PSD3: variants seen among roughly 807,000 people sequenced by gnomAD.
The protein encoded by PSD3 is PH and SEC7 domain-containing protein 3.
In PSD3, 49 loss-of-function variants were observed where a neutral mutation model predicts 105.5. That is an observed-to-expected ratio of 0.46 (90% CI 0.37 to 0.59). The LOEUF (loss-of-function observed/expected upper bound fraction) is 0.59, where lower values mean the gene tolerates loss of function less well. Among genes scored for constraint, PSD3 ranks in the 20% least tolerant of loss-of-function variants. The pLI is 0.00. For missense variants in PSD3, 1,561 were observed against 1,263.8 expected (o/e 1.24, Z -3.57); for synonymous variants, 557 against 457.8 (o/e 1.22, Z -2.77).
intron 1 of PSD3, among the ~76,000 whole-genome samples, chr8:18,936,878 C>T (rs1011633853): frequency 6.6e-6 from 1 of 152,028 alleles, no homozygotes; most frequent in Non-Finnish European, 1.5e-5. Flanking sequence ...AGTACACCAA[C>T]AAAAAAACCA....
At chr8:18,882,379 C>G (rs887701933) in intron 2 of PSD3, among the ~76,000 whole-genome samples, 9 of 152,108 alleles carry the variant, frequency 5.9e-5, no homozygotes, top group Non-Finnish European at 1.3e-4. Context: ...GATATTAGAG[C>G]CAGTTCATTC....
intron 4 of PSD3, among the ~76,000 whole-genome samples, chr8:18,813,402 G>C (rs1341198542): frequency 1.3e-5 from 2 of 152,170 alleles, no homozygotes; most frequent in Admixed American, 1.3e-4. Flanking sequence ...TCCCCTGTCT[G>C]CAAGAATTCA....
chr8:18,613,990 C>G (rs1805467593), intron 11 of PSD3, among the ~76,000 whole-genome samples: 1 of 152,206 alleles, frequency 6.6e-6, no homozygotes, highest in African/African-American at 2.4e-5. Flanking sequence ...AAAACCCTCA[C>G]TTGGTTTGGA....
chr8:18,941,555 T>A (rs1396300385), intron 1 of PSD3, among the ~76,000 whole-genome samples: 1 of 152,200 alleles, frequency 6.6e-6, no homozygotes, highest in South Asian at 2.1e-4. Flanking sequence ...TTACATTTGA[T>A]ATGACTTTTC....
At chr8:18,943,858 G>C (rs1486374428) in intron 1 of PSD3, among the ~76,000 whole-genome samples, 3 of 151,890 alleles carry the variant, frequency 2.0e-5, no homozygotes, top group Admixed American at 6.6e-5. Flanking sequence ...CACTCACCAA[G>C]CTAATGAAAT....
intron 4 of PSD3, among the ~76,000 whole-genome samples, chr8:18,805,727 T>C (rs984438421): frequency 1.3e-5 from 2 of 152,196 alleles, no homozygotes; most frequent in African/African-American, 2.4e-5. Context: ...CTTAAAAAAA[T>C]CATATTCACT....
chr8:18,592,457 C>T (rs1186582553), intron 12 of PSD3, among the ~76,000 whole-genome samples: 4 of 152,078 alleles, frequency 2.6e-5, no homozygotes, highest in Admixed American at 6.6e-5. Context: ...GCTTATTTAC[C>T]GAACACTTCT....
At chr8:18,629,860 T>C (rs1316337860) in intron 11 of PSD3, among the ~76,000 whole-genome samples, 1 of 151,960 alleles carries the variant, frequency 6.6e-6, no homozygotes, top group Non-Finnish European at 1.5e-5. Flanking sequence ...TTTTGTAAAT[T>C]ATTAGAAACC....
chr8:18,639,250 T>G (rs1807475778), intron 10 of PSD3, among the ~76,000 whole-genome samples: 1 of 151,602 alleles, frequency 6.6e-6, no homozygotes, highest in East Asian at 1.9e-4. Context: ...TTTTCTACTG[T>G]TTTAAATGTG....
chr8:18,791,845 C>T (rs1809749518), intron 8 of PSD3, among the ~76,000 whole-genome samples: 1 of 152,064 alleles, frequency 6.6e-6, no homozygotes, highest in Non-Finnish European at 1.5e-5. Context: ...TGGTCTAATA[C>T]CCGGCACCTA....
At chr8:18,809,519 A>G (rs1811508551) in intron 4 of PSD3, among the ~76,000 whole-genome samples, 1 of 152,206 alleles carries the variant, frequency 6.6e-6, no homozygotes, top group South Asian at 2.1e-4. Context: ...TTTGAATTTC[A>G]CATCAAAAAA....
intron 14 of PSD3, among the ~76,000 whole-genome samples, chr8:18,570,620 T>G (rs1239379177): frequency 1.4e-5 from 2 of 144,394 alleles, no homozygotes; most frequent in African/African-American, 2.5e-5. Flanking sequence ...TCAAACAAAT[T>G]TACAAGAAAA....
chr8:18,908,048 T>C (rs146984074), intron 2 of PSD3, among the ~76,000 whole-genome samples: 90 of 152,312 alleles, frequency 5.9e-4, no homozygotes, highest in African/African-American at 2.1e-3. Flanking sequence ...GTAGATAAAC[T>C]GATGAATGCA....
intron 7 of PSD3, 137 bp from the exon 8 acceptor site, chr8:18,799,490 C>T (rs1810496135): frequency 1.5e-6 from 1 of 654,834 alleles, no homozygotes; most frequent in Non-Finnish European, 2.6e-6. Context: ...TTTTAAGAAA[C>T]AAAAAATGGA....
At chr8:18,651,462 G>A (rs978901290) in intron 10 of PSD3, among the ~76,000 whole-genome samples, 2 of 152,072 alleles carry the variant, frequency 1.3e-5, no homozygotes, top group African/African-American at 2.4e-5. Flanking sequence ...CACATTGTAG[G>A]CTTATCTTTT....
At chr8:18,932,220 C>A (rs1821795987) in intron 2 of PSD3, among the ~76,000 whole-genome samples, 1 of 152,156 alleles carries the variant, frequency 6.6e-6, no homozygotes, top group Non-Finnish European at 1.5e-5. Context: ...GATGAAGAAA[C>A]TGAGGAGGCT....
chr8:18,611,538 T>A (rs1049548209), intron 11 of PSD3, among the ~76,000 whole-genome samples: 2 of 152,304 alleles, frequency 1.3e-5, no homozygotes, highest in African/African-American at 4.8e-5. Flanking sequence ...TTTCTTCCTG[T>A]ATAAAACAGT....
intron 4 of PSD3, chr8:18,854,156 T>C (rs1815813229): frequency 6.6e-6 from 1 of 152,434 alleles, no homozygotes; most frequent in Non-Finnish European, 1.5e-5. Flanking sequence ...ATTCTCCCAT[T>C]CCATCTGCTC....
chr8:18,704,122 C>T (rs1403217488), intron 9 of PSD3, among the ~76,000 whole-genome samples: 1 of 152,214 alleles, frequency 6.6e-6, no homozygotes, highest in Non-Finnish European at 1.5e-5. Flanking sequence ...TCTTTCCTCT[C>T]TTTAAAACGC....
Sources: gnomAD v4.1 joint callset for allele counts (sites outside exome capture counted in the v4.1 genomes callset) on GRCh38, gnomAD v4.1.1 for gene constraint, MANE v1.5 for transcripts, NCBI Gene and HGNC (gene_info 2026-07-23, HGNC 2026-07-21) for gene names.